NMNAT3: variants seen among roughly 807,000 people sequenced by gnomAD.
The protein encoded by NMNAT3 is nicotinamide/nicotinic acid mononucleotide adenylyltransferase 3.
A neutral mutation model predicts 24.8 loss-of-function variants in NMNAT3; 21 were observed. The observed-to-expected ratio is 0.85, with a 90% CI of 0.60 to 1.22. The LOEUF is 1.22. NMNAT3 is among the 50% of genes most tolerant of loss of function. The probability of loss-of-function intolerance (pLI) is 0.00; values close to 1 mark genes in which losing one functional copy is unlikely to be tolerated. For missense variants in NMNAT3, 387 were observed against 436.6 expected, an observed-to-expected ratio of 0.89 and a Z score of 1.01; for synonymous variants, 136 against 155.2, an observed-to-expected ratio of 0.88 and a Z score of 0.92.
chr3:139,667,461 CT>C (rs1246304259), intron 1 of NMNAT3, among the ~76,000 whole-genome samples: 4 of 151,866 alleles, frequency 2.6e-5, no homozygotes, highest in East Asian at 3.9e-4. Flanking sequence ...AATATTTGGG[CT>C]TTTTTTTGCT....
At position 139,560,572 on chromosome 3, in the gene NMNAT3, C is replaced by A; in HGVS notation, c.*438G>T. 6.2e-6 allele frequency: 1 copy of A among 162,272 alleles called. No individual in the cohort carries two copies. The highest frequency in any genetic ancestry group is 1.3e-5 in the Non-Finnish European group (1 of 74,194). 10.1% of individuals were successfully genotyped at this position (162,272 alleles called of 1,614,324 possible). A position where few individuals can be genotyped will look rare whatever the true frequency, so the allele number is the denominator to read the frequency against. ...AACCCACTGTTCAGTAATTAGCATC[C>A]TGTCAAATCTTTCCAATCAAGACTA... On this transcript the variant is annotated 3_prime_UTR_variant, in exon 7 of 7. Transcript: ENST00000643695.
intron 3 of NMNAT3, among the ~76,000 whole-genome samples, chr3:139,584,875 T>C (rs2053862811): frequency 6.6e-6 from 1 of 152,204 alleles, no homozygotes; most frequent in South Asian, 2.1e-4. Context: ...TTTGTCTGCC[T>C]CTTTTATTAG....
At chr3:139,605,818 G>A (rs1171470980) in intron 3 of NMNAT3, among the ~76,000 whole-genome samples, 1 of 151,922 alleles carries the variant, frequency 6.6e-6, no homozygotes, top group Non-Finnish European at 1.5e-5. Context: ...CAACCTCATG[G>A]GATTGTTTTG....
intron 1 of NMNAT3, among the ~76,000 whole-genome samples, chr3:139,648,731 G>A (rs2056955851): frequency 6.6e-6 from 1 of 152,174 alleles, no homozygotes; most frequent in Non-Finnish European, 1.5e-5. Flanking sequence ...TGAAAAATTA[G>A]AGACCCCACT....
intron 1 of NMNAT3, among the ~76,000 whole-genome samples, chr3:139,662,117 C>T (rs1301246437): frequency 6.6e-6 from 1 of 152,086 alleles, no homozygotes; most frequent in African/African-American, 2.4e-5. Flanking sequence ...GCGGGGGACT[C>T]CTCTTGGAGA....
intron 6 of NMNAT3, among the ~76,000 whole-genome samples, chr3:139,565,096 A>T (rs1936975573): frequency 6.6e-6 from 1 of 152,100 alleles, no homozygotes; most frequent in Non-Finnish European, 1.5e-5. Flanking sequence ...ACATCATCAA[A>T]ACCTTTTATG....
At chr3:139,661,410 T>A (rs1335332605) in intron 1 of NMNAT3, among the ~76,000 whole-genome samples, 2 of 152,220 alleles carry the variant, frequency 1.3e-5, no homozygotes, top group Non-Finnish European at 2.9e-5. Flanking sequence ...GGCTCATACC[T>A]GTAATCCCAG....
At chr3:139,563,411 C>A (rs1186141069) in intron 6 of NMNAT3, among the ~76,000 whole-genome samples, 1 of 152,190 alleles carries the variant, frequency 6.6e-6, no homozygotes, top group Admixed American at 6.5e-5. Context: ...GGACACACCC[C>A]CTCTCTTCCT....
intron 4 of NMNAT3, among the ~76,000 whole-genome samples, chr3:139,582,062 G>A (rs1284298154): frequency 1.3e-5 from 2 of 151,320 alleles, no homozygotes; most frequent in Non-Finnish European, 2.9e-5. Flanking sequence ...GGGCATAATG[G>A]TGTGTGCCTG....
At chr3:139,606,527 C>T (rs753934209) in intron 3 of NMNAT3, among the ~76,000 whole-genome samples, 8 of 152,140 alleles carry the variant, frequency 5.3e-5, no homozygotes, top group East Asian at 1.9e-4. Context: ...TTTCCCCCTG[C>T]GTATCTGTAA....
At chr3:139,581,558 A>G (rs1213431196) in intron 4 of NMNAT3, among the ~76,000 whole-genome samples, 1 of 152,234 alleles carries the variant, frequency 6.6e-6, no homozygotes, top group East Asian at 1.9e-4. Flanking sequence ...ATGAGTGTCA[A>G]GTTATTTATT....
chr3:139,600,747 A>T (rs1175893723), intron 3 of NMNAT3, among the ~76,000 whole-genome samples: 1 of 152,072 alleles, frequency 6.6e-6, no homozygotes, highest in Non-Finnish European at 1.5e-5. Flanking sequence ...TGAGTCTCAG[A>T]CATGTGGCAC....
intron 3 of NMNAT3, among the ~76,000 whole-genome samples, chr3:139,592,928 C>A (rs1448652470): frequency 2.0e-5 from 3 of 152,124 alleles, no homozygotes; most frequent in African/African-American, 7.2e-5. Flanking sequence ...GCAAAATAAC[C>A]AGCTAACATC....
intron 1 of NMNAT3, among the ~76,000 whole-genome samples, chr3:139,665,497 G>A (rs2057547365): frequency 6.6e-6 from 1 of 152,314 alleles, no homozygotes; most frequent in African/African-American, 2.4e-5. Context: ...GACATGGTAA[G>A]TGCCATGATG....
At chr3:139,576,077 A>G in intron 5 of NMNAT3, 1 of 1,284,560 alleles carries the variant, frequency 7.8e-7, no homozygotes, top group Non-Finnish European at 1.0e-6. Flanking sequence ...AGTAAGCTCT[A>G]CAGTGAATTT....
rs989381312 is a variant in NMNAT3 at position 139,579,124 on chromosome 3, G to A, written c.392-69C>T. 5 of 1,356,748 alleles carry A rather than the reference G, an allele frequency of 3.7e-6. No individual in the cohort carries two copies. In the African/African-American group the frequency reaches 5.7e-5, roughly 15 times the overall value. 84.0% of individuals were successfully genotyped at this position (1,356,748 alleles called of 1,614,324 possible). A position where few individuals can be genotyped will look rare whatever the true frequency, so the allele number is the denominator to read the frequency against. On this transcript the variant is annotated intron_variant, in intron 4 of 6. Transcript: ENST00000643695. ...TCACCACCTGGCAGCCTGAATTCAG[G>A]CAGGTGCTAAATGTCTCCAGTGCCT...
chr3:139,631,806 T>C (rs895058520), intron 2 of NMNAT3, among the ~76,000 whole-genome samples: 2 of 152,110 alleles, frequency 1.3e-5, no homozygotes, highest in Admixed American at 6.5e-5. Flanking sequence ...AATATTTACC[T>C]CCCCCCTACT....
chr3:139,631,883 G>T (rs2056313197), intron 2 of NMNAT3, among the ~76,000 whole-genome samples: 1 of 152,122 alleles, frequency 6.6e-6, no homozygotes, highest in Non-Finnish European at 1.5e-5. Context: ...CTTCACCAGA[G>T]AACTGTCATT....
intron 2 of NMNAT3, chr3:139,635,619 C>T (rs1009583533): frequency 6.6e-6 from 1 of 152,182 alleles, no homozygotes; most frequent in Admixed American, 6.5e-5. Context: ...CACAACCTAC[C>T]AGCTACTGTG....
Sources: gnomAD v4.1 joint callset for allele counts (sites outside exome capture counted in the v4.1 genomes callset) on GRCh38, gnomAD v4.1.1 for gene constraint, MANE v1.5 for transcripts, NCBI Gene and HGNC (gene_info 2026-07-23, HGNC 2026-07-21) for gene names.